CARF: variants seen among roughly 807,000 people sequenced by gnomAD.
CARF encodes the protein calcium-responsive transcription factor.
CARF carries 57 observed loss-of-function variants against 82.0 expected under a neutral mutation model. The ratio of observed to expected loss-of-function variants is 0.70; its 90% CI spans 0.56 to 0.87. CARF has a LOEUF of 0.87. CARF is among the 40% of genes least tolerant of loss of function. CARF has a pLI of 0.00. For missense variants in CARF, 771 were observed against 855.8 expected (o/e 0.90, Z 1.24); for synonymous variants, 268 against 290.1 (o/e 0.92, Z 0.77).
At chr2:202,924,047 A>G (rs1226618613) in intron 2 of CARF, among the ~76,000 whole-genome samples, 1 of 152,232 alleles carries the variant, frequency 6.6e-6, no homozygotes, top group Non-Finnish European at 1.5e-5. Context: ...GCTGATCAGC[A>G]TCTTTTGTGT....
chr2:202,969,127 T>C (rs147329248), intron 10 of CARF, among the ~76,000 whole-genome samples: 35 of 152,186 alleles, frequency 2.3e-4, no homozygotes, highest in African/African-American at 6.7e-4. Flanking sequence ...CCGTCTCTAC[T>C]AAAAATACAA....
At chr2:202,948,525 T>A (rs1326466676) in intron 5 of CARF, among the ~76,000 whole-genome samples, 1 of 152,206 alleles carries the variant, frequency 6.6e-6, no homozygotes, top group East Asian at 1.9e-4. Flanking sequence ...CTTCTCTGAT[T>A]TATTTGAGCA....
rs1553584600 is a variant in CARF, at chr2:202,986,887, T to TAC, written c.*3264_*3265insCA. 1.0e-4 allele frequency: 9 copies of TAC among 89,556 alleles called. No individual in the cohort carries two copies. The highest frequency in any genetic ancestry group is 3.2e-4 in the South Asian group (1 of 3,112). 5.5% of individuals were successfully genotyped at this position (89,556 alleles called of 1,614,324 possible). On this transcript the variant is annotated 3_prime_UTR_variant, in exon 17 of 17. Transcript: ENST00000438828. ...CTGTGCGTATATATATATATATATA[T>TAC]ATATATATATATATATATATAGCAA...
intron 3 of CARF, among the ~76,000 whole-genome samples, chr2:202,936,009 A>G (rs1054116406): frequency 6.6e-6 from 1 of 151,992 alleles, no homozygotes; most frequent in African/African-American, 2.4e-5. Context: ...TTTCTTGTAG[A>G]AATGGGATCT....
rs1007407230 is a variant in CARF at position 202,930,968 on chromosome 2, C to CTTTTTTTTTTTTTTT, written c.-44+6561_-44+6575dup. Among the ~76,000 whole-genome samples, 15 of 103,168 alleles carry CTTTTTTTTTTTTTTT rather than the reference C, an allele frequency of 1.5e-4. 1 individual carries two copies. The highest frequency in any genetic ancestry group is 5.5e-4 in the East Asian group (2 of 3,664). 67.7% of individuals were successfully genotyped at this position (103,168 alleles called of 152,430 possible). ...TCTTCCTTATGACTTTTTTTCTTTT[C>CTTTTTTTTTTTTTTT]TTTTTTTTTTTTTTTTTTTTTTGGC... On this transcript the variant is annotated intron_variant, in intron 3 of 16. Transcript: ENST00000438828.
intron 1 of CARF, 97 bp from the exon 2 acceptor site, chr2:202,917,780 T>C (rs1408304374): frequency 3.3e-5 from 7 of 214,950 alleles, no homozygotes; most frequent in Admixed American, 1.2e-4. Flanking sequence ...ACCAGGCTGA[T>C]AATGGTTATT....
intron 3 of CARF, among the ~76,000 whole-genome samples, chr2:202,939,677 C>CTTTTTTTTTTTTTTTTTTTTTTT (rs1156373668): frequency 7.0e-6 from 1 of 142,332 alleles, no homozygotes. Context: ...TACCCATTGC[C>CTTTTTTTTTTTTTTTTTTTTTTT]TTTTTTTCTT....
chr2:202,948,155 A>G (rs754646103), intron 5 of CARF, among the ~76,000 whole-genome samples: 5 of 152,144 alleles, frequency 3.3e-5, no homozygotes, highest in Non-Finnish European at 5.9e-5. Context: ...TGAAGATGAA[A>G]TGGTTGCAGG....
chr2:202,959,821 A>C (rs1332134189), intron 8 of CARF, among the ~76,000 whole-genome samples: 2 of 152,056 alleles, frequency 1.3e-5, no homozygotes, highest in African/African-American at 4.8e-5. Flanking sequence ...AAAACAAAAA[A>C]AAAAAAAAGA....
In CARF at chr2:202,987,809, C is replaced by G. The variant is rs1374115460; in HGVS notation, c.*4185C>G. ...CAGGAGGGATTTTATTTTTAAATAT[C>G]TTTATTGAGGTATAATTGAAATACA... On this transcript the variant is annotated 3_prime_UTR_variant, in exon 17 of 17. Transcript: ENST00000438828. Among the ~76,000 whole-genome samples the G allele has an allele frequency of 6.6e-6, 1 of 152,044 alleles. No individual in the cohort carries two copies. The highest frequency in any genetic ancestry group is 1.5e-5 in the Non-Finnish European group (1 of 68,002).
At chr2:202,968,778 G>A (rs1376564726) in intron 10 of CARF, among the ~76,000 whole-genome samples, 1 of 152,114 alleles carries the variant, frequency 6.6e-6, no homozygotes, top group Non-Finnish European at 1.5e-5. Context: ...CCAGGGAACG[G>A]ATCAGGAAAC....
At position 202,920,625 on chromosome 2, in the gene CARF, T is replaced by C. The variant is rs542022386; in HGVS notation, c.-163+2582T>C. Among the ~76,000 whole-genome samples, 436 of 151,836 alleles carry C rather than the reference T, an allele frequency of 2.9e-3. 2 individuals are homozygous for C. The highest frequency in any genetic ancestry group is 5.6e-3 in the Non-Finnish European group (377 of 67,914). ...GGTGCAGTGAGCCAAGATCGCGCCA[T>C]TGCACTCCAACCTGGGCAACAAGAG... On this transcript the variant is annotated intron_variant, in intron 2 of 16. Coordinates refer to ENST00000438828, the MANE Select transcript of CARF (RefSeq NM_024744.17).
intron 14 of CARF, among the ~76,000 whole-genome samples, chr2:202,978,916 GTTGA>G (rs1182341096): frequency 3.9e-5 from 6 of 152,114 alleles, no homozygotes; most frequent in Non-Finnish European, 8.8e-5. Flanking sequence ...TTCACATGAG[GTTGA>G]AGAACAATTG....
In CARF at chr2:202,961,275, G is replaced by T; in HGVS notation, c.681G>T (p.Glu227Asp). The T allele has an allele frequency of 6.2e-7, 1 of 1,614,032 alleles. No homozygotes were observed. Among genetic ancestry groups the T allele is most frequent in the South Asian group, 1.1e-5 (1 of 91,026 alleles). ...CATACCGTGGCTACTGTGTAAGTGAGACTGAATTAGAAAGTGTCCTAACAT... is the reference window on the plus strand; with the variant it reads ...CATACCGTGGCTACTGTGTAAGTGATACTGAATTAGAAAGTGTCCTAACAT... ...GDSYRGYCVS[E>D]TELESVLTFH... The change falls in exon 9 of 17, where the codon GAG (glutamate) becomes GAT (aspartate). Residue 227 changes from glutamate to aspartate, a missense_variant. Coordinates refer to ENST00000438828, the MANE Select transcript of CARF (RefSeq NM_024744.17).
chr2:202,974,465 C>A lies in CARF; in HGVS notation c.1463C>A (p.Thr488Lys). 6.2e-7 allele frequency: 1 copy of A among 1,603,428 alleles called. No homozygotes were observed. Among genetic ancestry groups the A allele is most frequent in the Non-Finnish European group, 8.5e-7 (1 of 1,177,066 alleles). The change falls in exon 13 of 17, where the codon ACG (threonine) becomes AAG (lysine). Residue 488 changes from threonine (T) to lysine (K), a missense_variant. By Grantham distance (78) the Thr-to-Lys change is moderately conservative. Coordinates refer to ENST00000438828, the MANE Select transcript of CARF (RefSeq NM_024744.17). ...EVQKSLRNGD[T>K]VYNSEIIPAT... Reference sequence around the variant, plus strand: ...CAGAAATCCTTGAGAAATGGAGATACGGTATATAACTCAGAGATTATTCCA... The same window carrying A: ...CAGAAATCCTTGAGAAATGGAGATAAGGTATATAACTCAGAGATTATTCCA...
At chr2:202,934,327 C>T (rs1448302132) in intron 3 of CARF, among the ~76,000 whole-genome samples, 2 of 152,130 alleles carry the variant, frequency 1.3e-5, no homozygotes, top group East Asian at 3.9e-4. Flanking sequence ...TAAATATATC[C>T]AGTAATTCAA....
rs1553584366 is a variant in CARF, at chr2:202,986,868, G to GTGTATATA, written c.*3245_*3246insGTATATAT. 2 of 29,638 alleles carry GTGTATATA rather than the reference G, an allele frequency of 6.7e-5. No homozygotes were observed. The highest frequency in any genetic ancestry group is 1.5e-4 in the African/African-American group (2 of 13,012). 1.8% of individuals were successfully genotyped at this position (29,638 alleles called of 1,614,324 possible). A position where few individuals can be genotyped will look rare whatever the true frequency, so the allele number is the denominator to read the frequency against. Reference sequence around the variant, plus strand: ...AAAGAGGTTTAAAAAATGTCTGTGCGTATATATATATATATATATATATAT... The same window carrying GTGTATATA: ...AAAGAGGTTTAAAAAATGTCTGTGCGTGTATATATATATATATATATATATATATATAT... On this transcript the variant is annotated 3_prime_UTR_variant, in exon 17 of 17. Transcript: ENST00000438828.
chr2:202,922,586 T>G (rs551004487), intron 2 of CARF, among the ~76,000 whole-genome samples: 1 of 152,204 alleles, frequency 6.6e-6, no homozygotes, highest in African/African-American at 2.4e-5. Flanking sequence ...GTGGATCACC[T>G]TAGGTCCAGA....
intron 8 of CARF, among the ~76,000 whole-genome samples, chr2:202,959,608 C>G (rs940147681): frequency 3.9e-5 from 6 of 152,254 alleles, no homozygotes; most frequent in African/African-American, 1.4e-4. Flanking sequence ...CACCTGAGAT[C>G]AGGAGTTTGA....
Sources: allele counts gnomAD v4.1 joint callset (sites outside exome capture counted in the v4.1 genomes callset), GRCh38; gene constraint gnomAD v4.1.1; transcripts MANE v1.5; gene names NCBI Gene and HGNC (gene_info 2026-07-23, HGNC 2026-07-21).